PLPP3: variants seen among roughly 807,000 people sequenced by gnomAD.
PLPP3 encodes the protein phospholipid phosphatase 3.
PLPP3 carries 6 observed loss-of-function variants against 29.6 expected under a neutral mutation model. That is an observed-to-expected ratio of 0.20 (90% CI 0.11 to 0.40). The LOEUF (loss-of-function observed/expected upper bound fraction) is 0.40, where lower values mean the gene tolerates loss of function less well. Among genes scored for constraint, PLPP3 ranks in the 10% least tolerant of loss-of-function variants. The probability of loss-of-function intolerance (pLI) is 1.00; values close to 1 mark genes in which losing one functional copy is unlikely to be tolerated. For synonymous variants in PLPP3, 152 were observed against 159.7 expected, an observed-to-expected ratio of 0.95 and a Z score of 0.36; for missense variants, 308 against 407.7, an observed-to-expected ratio of 0.76 and a Z score of 2.11.
chr1:56,561,393 C>T (rs1272719861), intron 1 of PLPP3, among the ~76,000 whole-genome samples: 2 of 151,860 alleles, frequency 1.3e-5, no homozygotes, highest in African/African-American at 2.4e-5. Context: ...TATTATTGAC[C>T]GCTGCAAACT....
chr1:56,500,120 T>C (rs1645657255), intron 5 of PLPP3, among the ~76,000 whole-genome samples: 1 of 152,268 alleles, frequency 6.6e-6, no homozygotes, highest in Admixed American at 6.5e-5. Context: ...TTTTATAAAT[T>C]ACTCTTTTTT....
In PLPP3 at chr1:56,512,499, C is replaced by T. The variant is rs1645750383; in HGVS notation, c.634-347G>A. 1.7e-5 allele frequency: 3 copies of T among 177,012 alleles called. 1 individual carries two copies. The South Asian group carries it at 3.9e-4, about 23-fold the overall frequency. 11.0% of individuals were successfully genotyped at this position (177,012 alleles called of 1,614,324 possible). ...TGATGGCATGTGCCTATAGTCCCAGCTACTCAGGAGGCTGAGGCAGGAAAA... is the reference window on the plus strand; with the variant it reads ...TGATGGCATGTGCCTATAGTCCCAGTTACTCAGGAGGCTGAGGCAGGAAAA... On this transcript the variant is annotated intron_variant, in intron 4 of 5. Transcript: ENST00000371250.
At chr1:56,556,275 A>G (rs1171555270) in intron 1 of PLPP3, among the ~76,000 whole-genome samples, 1 of 152,222 alleles carries the variant, frequency 6.6e-6, no homozygotes, top group African/African-American at 2.4e-5. Context: ...TGGTGTCCCT[A>G]TAAAATGGGG....
At chr1:56,561,184 A>G (rs1489236999) in intron 1 of PLPP3, among the ~76,000 whole-genome samples, 2 of 151,932 alleles carry the variant, frequency 1.3e-5, no homozygotes, top group Non-Finnish European at 2.9e-5. Flanking sequence ...GGATGAAAAA[A>G]GTAATGCCTT....
intron 1 of PLPP3, among the ~76,000 whole-genome samples, chr1:56,545,497 C>T (rs1169828029): frequency 1.3e-5 from 2 of 152,124 alleles, no homozygotes; most frequent in East Asian, 1.9e-4. Context: ...GAAAAGCATG[C>T]TCATGAAGTC....
chr1:56,501,774 G>A (rs549404193), intron 5 of PLPP3, among the ~76,000 whole-genome samples: 4 of 152,136 alleles, frequency 2.6e-5, no homozygotes, highest in African/African-American at 9.6e-5. Flanking sequence ...ACAAAAAACT[G>A]GAAAAAGATA....
chr1:56,515,464 T>C (rs1645775146), intron 4 of PLPP3, among the ~76,000 whole-genome samples: 3 of 152,148 alleles, frequency 2.0e-5, no homozygotes, highest in Non-Finnish European at 1.5e-5. Flanking sequence ...CTTCCCCTGA[T>C]TCAGATACTT....
At chr1:56,572,414 T>C (rs943676874) in intron 1 of PLPP3, among the ~76,000 whole-genome samples, 8 of 152,042 alleles carry the variant, frequency 5.3e-5, no homozygotes, top group Non-Finnish European at 8.8e-5. Flanking sequence ...CAAGTGAGAG[T>C]TGACCCTAAA....
intron 1 of PLPP3, among the ~76,000 whole-genome samples, chr1:56,539,484 A>AC (rs1645953358): frequency 6.6e-6 from 1 of 152,168 alleles, no homozygotes; most frequent in African/African-American, 2.4e-5. Context: ...TTATTTTGTG[A>AC]CCCCTAACTG....
intron 5 of PLPP3, among the ~76,000 whole-genome samples, chr1:56,503,270 T>C (rs1312309097): frequency 7.9e-5 from 12 of 152,158 alleles, no homozygotes; most frequent in Non-Finnish European, 1.6e-4. Flanking sequence ...CAGCAGAATA[T>C]AGTCCCAAAA....
intron 5 of PLPP3, among the ~76,000 whole-genome samples, chr1:56,500,179 T>C (rs1645657679): frequency 6.6e-6 from 1 of 152,238 alleles, no homozygotes; most frequent in Non-Finnish European, 1.5e-5. Context: ...ATTCCTGCTA[T>C]GTGTTAAACT....
At chr1:56,551,799 G>A (rs757024665) in intron 1 of PLPP3, among the ~76,000 whole-genome samples, 36 of 152,210 alleles carry the variant, frequency 2.4e-4, no homozygotes, top group Non-Finnish European at 4.1e-4. Flanking sequence ...GAAAAGACCA[G>A]TGCACTTCAA....
intron 1 of PLPP3, among the ~76,000 whole-genome samples, chr1:56,546,505 G>A (rs1646007547): frequency 6.6e-6 from 1 of 152,180 alleles, no homozygotes; most frequent in Admixed American, 6.5e-5. Flanking sequence ...GGTTATGTGT[G>A]TGTATGGATT....
chr1:56,521,715 C>T (rs1310854980), intron 4 of PLPP3, among the ~76,000 whole-genome samples: 2 of 115,540 alleles, frequency 1.7e-5, no homozygotes, highest in Non-Finnish European at 4.1e-5. Context: ...AGGCTCTCCT[C>T]CCTCCCTCTC....
At chr1:56,518,032 C>T (rs12084507) in intron 4 of PLPP3, among the ~76,000 whole-genome samples, 25,878 of 152,078 alleles carry the variant, frequency 0.17, 3,023 homozygotes, top group African/African-American at 0.32. Flanking sequence ...ACTTCTCTGG[C>T]TTTCCACACA....
At chr1:56,528,163 C>T (rs1412282924) in intron 2 of PLPP3, among the ~76,000 whole-genome samples, 1 of 152,140 alleles carries the variant, frequency 6.6e-6, no homozygotes, top group African/African-American at 2.4e-5. Context: ...AGAATTCTCC[C>T]CTACCTGCCT....
chr1:56,532,590 G>T (rs1645897073), intron 2 of PLPP3, among the ~76,000 whole-genome samples: 1 of 152,150 alleles, frequency 6.6e-6, no homozygotes, highest in Non-Finnish European at 1.5e-5. Context: ...CAAGAAATTT[G>T]CATGTGGTAC....
At chr1:56,578,706 G>A (rs1002316530) in intron 1 of PLPP3, among the ~76,000 whole-genome samples, 172 bp downstream of exon 1, 6 of 152,228 alleles carry the variant, frequency 3.9e-5, no homozygotes, top group Admixed American at 1.3e-4. Flanking sequence ...TGGGATCGGG[G>A]AGGGCGGGGG....
chr1:56,564,591 C>A (rs377536304), intron 1 of PLPP3, among the ~76,000 whole-genome samples: 11 of 152,132 alleles, frequency 7.2e-5, no homozygotes, highest in Non-Finnish European at 7.4e-5. Context: ...AAGTAAAGGT[C>A]CCTCAACTCC....
Sources: gnomAD v4.1 joint callset for allele counts (sites outside exome capture counted in the v4.1 genomes callset) on GRCh38, gnomAD v4.1.1 for gene constraint, MANE v1.5 for transcripts, NCBI Gene and HGNC (gene_info 2026-07-23, HGNC 2026-07-21) for gene names.